The following TAFA1 variants were observed in gnomAD, a reference collection of about 807,000 sequenced individuals.
The protein encoded by TAFA1 is TAFA chemokine like family member 1, also known as chemokine-like protein TAFA-1.
In TAFA1, 4 loss-of-function variants were observed where a neutral mutation model predicts 18.5. The observed-to-expected ratio is 0.22, with a 90% CI of 0.11 to 0.49. TAFA1 has a LOEUF of 0.49. TAFA1 is among the 20% of genes least tolerant of loss of function. The pLI, the probability that TAFA1 is intolerant of heterozygous loss-of-function variation, is 0.98. For synonymous variants in TAFA1, 56 were observed against 55.2 expected (o/e 1.01, Z -0.06); for missense variants, 147 against 169.0 (o/e 0.87, Z 0.72).
chr3:68,521,590 A>G (rs1415348209), intron 3 of TAFA1, among the ~76,000 whole-genome samples: 1 of 152,176 alleles, frequency 6.6e-6, no homozygotes, highest in African/African-American at 2.4e-5. Flanking sequence ...AGTTTGGTTT[A>G]GTGTGGAATT....
chr3:68,254,171 A>ACC (rs2067252704), intron 2 of TAFA1, among the ~76,000 whole-genome samples: 1 of 150,554 alleles, frequency 6.6e-6, no homozygotes, highest in Non-Finnish European at 1.5e-5. Context: ...CTATCTATCT[A>ACC]TCTATCTATC....
At chr3:68,388,843 A>G (rs991289991) in intron 2 of TAFA1, among the ~76,000 whole-genome samples, 1 of 152,178 alleles carries the variant, frequency 6.6e-6, no homozygotes, top group Non-Finnish European at 1.5e-5. Context: ...ATTAGCCAAC[A>G]TTTCTATCAT....
chr3:68,362,715 T>C (rs2069491462), intron 2 of TAFA1, among the ~76,000 whole-genome samples: 1 of 152,100 alleles, frequency 6.6e-6, no homozygotes, highest in Non-Finnish European at 1.5e-5. Context: ...AACAGCAAGC[T>C]GTCTGAGGGT....
chr3:68,080,931 C>A (rs1037442650), intron 2 of TAFA1, among the ~76,000 whole-genome samples: 148 of 152,048 alleles, frequency 9.7e-4, no homozygotes, highest in Non-Finnish European at 1.5e-3. Flanking sequence ...TCCATTCTCC[C>A]CATCACTTTC....
intron 2 of TAFA1, among the ~76,000 whole-genome samples, chr3:68,068,822 A>G (rs963430145): frequency 6.6e-6 from 1 of 152,174 alleles, no homozygotes; most frequent in Non-Finnish European, 1.5e-5. Context: ...GGCCATAAAA[A>G]CAACAGGGGC....
At chr3:68,309,274 A>C (rs762506183) in intron 2 of TAFA1, among the ~76,000 whole-genome samples, 1 of 152,212 alleles carries the variant, frequency 6.6e-6, no homozygotes, top group Non-Finnish European at 1.5e-5. Context: ...AATGAATTAT[A>C]AAATACAAAA....
At chr3:68,069,048 A>G (rs2064718905) in intron 2 of TAFA1, among the ~76,000 whole-genome samples, 1 of 152,214 alleles carries the variant, frequency 6.6e-6, no homozygotes, top group African/African-American at 2.4e-5. Flanking sequence ...GAAAAGGAGT[A>G]GCTGCAGTTT....
intron 2 of TAFA1, among the ~76,000 whole-genome samples, chr3:68,167,831 T>C (rs2066003091): frequency 6.6e-6 from 1 of 152,006 alleles, no homozygotes; most frequent in Admixed American, 6.6e-5. Flanking sequence ...TGAGCCCAGA[T>C]TGCATCACTG....
At chr3:68,460,340 G>A (rs1029365439) in intron 3 of TAFA1, among the ~76,000 whole-genome samples, 4 of 152,060 alleles carry the variant, frequency 2.6e-5, no homozygotes, top group South Asian at 2.1e-4. Flanking sequence ...TCAATACAAG[G>A]ATGGCAGGAG....
chr3:68,396,996 A>G (rs1262792024), intron 2 of TAFA1, among the ~76,000 whole-genome samples: 1 of 152,100 alleles, frequency 6.6e-6, no homozygotes, highest in Non-Finnish European at 1.5e-5. Flanking sequence ...TCCAATCTCC[A>G]GCCATACTTA....
chr3:68,031,649 C>G (rs1704937235), intron 2 of TAFA1, among the ~76,000 whole-genome samples: 1 of 152,052 alleles, frequency 6.6e-6, no homozygotes, highest in Non-Finnish European at 1.5e-5. Flanking sequence ...ATCCCAAAGC[C>G]TAGCAGAGTG....
intron 2 of TAFA1, among the ~76,000 whole-genome samples, chr3:68,392,340 G>A (rs1559648744): frequency 6.6e-6 from 1 of 152,192 alleles, no homozygotes; most frequent in Non-Finnish European, 1.5e-5. Context: ...ATCCAATACA[G>A]GAGCACCCAG....
Position 68,461,360 on chromosome 3 carries a change from C to CATATATATATATATATATATAT in TAFA1, c.259+43960_259+43961insATATATATATATATATATATAT, listed in dbSNP as rs5849840. Among the ~76,000 whole-genome samples, 556 of 106,352 alleles carry CATATATATATATATATATATAT rather than the reference C, an allele frequency of 5.2e-3. 19 individuals are homozygous for CATATATATATATATATATATAT. Among genetic ancestry groups the CATATATATATATATATATATAT allele is most frequent in the African/African-American group, 0.011 (272 of 24,076 alleles). 69.8% of individuals were successfully genotyped at this position (106,352 alleles called of 152,430 possible). A position where few individuals can be genotyped will look rare whatever the true frequency, so the allele number is the denominator to read the frequency against. On this transcript the variant is annotated intron_variant, in intron 3 of 4. Coordinates refer to ENST00000478136, the MANE Select transcript of TAFA1 (RefSeq NM_213609.4). ...GAAGGAACCCAGGCCAATGAAAGTG[C>CATATATATATATATATATATAT]ATATATATATATATATATATGTATG... is the stretch of plus-strand genomic sequence containing the variant.
At chr3:68,501,362 C>A (rs566735759) in intron 3 of TAFA1, among the ~76,000 whole-genome samples, 1 of 152,090 alleles carries the variant, frequency 6.6e-6, no homozygotes, top group African/African-American at 2.4e-5. Flanking sequence ...CAGAATTTGT[C>A]ATCTCAAATC....
chr3:68,062,653 A>T (rs1455523580), intron 2 of TAFA1, among the ~76,000 whole-genome samples: 3 of 152,196 alleles, frequency 2.0e-5, no homozygotes, highest in Non-Finnish European at 4.4e-5. Context: ...TGAAATTCCT[A>T]TTCTCTGCTA....
chr3:68,101,477 C>A (rs955158886), intron 2 of TAFA1, among the ~76,000 whole-genome samples: 1 of 151,814 alleles, frequency 6.6e-6, no homozygotes, highest in African/African-American at 2.4e-5. Flanking sequence ...ATGTGGCACA[C>A]ATATACCATG....
intron 2 of TAFA1, among the ~76,000 whole-genome samples, chr3:68,147,392 A>G (rs1349123855): frequency 4.6e-5 from 7 of 151,848 alleles, no homozygotes; most frequent in Non-Finnish European, 8.8e-5. Context: ...AGGCTGCAAA[A>G]TATCCCCCCC....
chr3:68,013,243 G>A (rs570718618), intron 2 of TAFA1, among the ~76,000 whole-genome samples: 17 of 152,278 alleles, frequency 1.1e-4, no homozygotes, highest in Admixed American at 5.2e-4. Flanking sequence ...TACTACTTGT[G>A]TGTGAGTGTG....
intron 2 of TAFA1, among the ~76,000 whole-genome samples, chr3:68,195,988 G>C (rs2066405514): frequency 6.6e-6 from 1 of 151,488 alleles, no homozygotes; most frequent in Non-Finnish European, 1.5e-5. Context: ...CTCTTCTTCT[G>C]GTCTCAATAG....
Sources: allele counts gnomAD v4.1 joint callset (sites outside exome capture counted in the v4.1 genomes callset), GRCh38; gene constraint gnomAD v4.1.1; transcripts MANE v1.5; gene names NCBI Gene and HGNC (gene_info 2026-07-23, HGNC 2026-07-21).